Variants in TMEM9 observed in about 807,000 individuals in gnomAD.
The protein encoded by TMEM9 is transmembrane protein 9.
Under a neutral mutation model 22.8 loss-of-function variants are expected in TMEM9, and 13 were observed. That is an observed-to-expected ratio of 0.57 (90% confidence interval 0.37 to 0.91). The LOEUF (loss-of-function observed/expected upper bound fraction) is 0.91, where lower values mean the gene tolerates loss of function less well. TMEM9 is among the 40% of genes least tolerant of loss of function. The pLI is 0.01. For missense variants in TMEM9, 182 were observed against 238.1 expected, an observed-to-expected ratio of 0.76 and a Z score of 1.55; for synonymous variants, 88 against 93.0, an observed-to-expected ratio of 0.95 and a Z score of 0.31.
intron 3 of TMEM9, 54 bp downstream of exon 3, chr1:201,146,686 G>A (rs763625210): frequency 2.7e-5 from 42 of 1,530,838 alleles, no homozygotes; most frequent in Non-Finnish European, 3.3e-5. Context: ...GCCAGTCTGC[G>A]ATTGGAGAAT....
At chr1:201,155,112 G>A (rs896923887), upstream of TMEM9, among the ~76,000 whole-genome samples, 1 of 152,184 alleles carries the variant, frequency 6.6e-6, no homozygotes, top group Non-Finnish European at 1.5e-5. Context: ...TGAACTTCTT[G>A]CCAGCTGTGA....
chr1:201,139,840 G>A lies in TMEM9; in HGVS notation c.399+3980C>T, dbSNP rs1278597019. On this transcript the variant is annotated intron_variant, in intron 4 of 4. Transcript: ENST00000367330. Reference sequence around the variant, plus strand: ...ATTCCAGACTTAGAAAACTAAACCAGGAGGTTAGCACCAAGGATAGTAAAT... The same window carrying A: ...ATTCCAGACTTAGAAAACTAAACCAAGAGGTTAGCACCAAGGATAGTAAAT... Among the ~76,000 whole-genome samples, 3 of 152,116 alleles carry A rather than the reference G, an allele frequency of 2.0e-5. No homozygotes were observed. In the East Asian group the frequency reaches 5.8e-4, roughly 29 times the overall value.
intron 1 of TMEM9, among the ~76,000 whole-genome samples, chr1:201,153,425 T>C (rs1399245619): frequency 6.6e-6 from 1 of 152,248 alleles, no homozygotes; most frequent in African/African-American, 2.4e-5. Flanking sequence ...GGGCTATGTA[T>C]ATACAGCATA....
At chr1:201,163,704 T>TA (rs145516868) in intron 1 of TMEM9, among the ~76,000 whole-genome samples, 16,959 of 149,642 alleles carry the variant, frequency 0.11, 1,236 homozygotes, top group Middle Eastern at 0.17. Flanking sequence ...ATGGCTAAAA[T>TA]AAAAAAAAAA....
At chr1:201,139,521 C>T (rs1470734921) in intron 4 of TMEM9, among the ~76,000 whole-genome samples, 1 of 152,092 alleles carries the variant, frequency 6.6e-6, no homozygotes, top group East Asian at 1.9e-4. Flanking sequence ...CCCACCTGCT[C>T]ACAAATAAAA....
chr1:201,141,984 C>G (rs1004380292), intron 4 of TMEM9, among the ~76,000 whole-genome samples: 1 of 152,236 alleles, frequency 6.6e-6, no homozygotes, highest in Admixed American at 6.5e-5. Flanking sequence ...ACTGCAATTA[C>G]CACATTACCC....
intron 4 of TMEM9, among the ~76,000 whole-genome samples, chr1:201,140,444 G>A (rs1382119623): frequency 6.6e-6 from 1 of 152,238 alleles, no homozygotes. Flanking sequence ...GGAATCCCAG[G>A]GGAGGCAGCG....
intron 3 of TMEM9, among the ~76,000 whole-genome samples, chr1:201,146,160 C>T (rs3752975): frequency 0.22 from 33,664 of 152,054 alleles, 4,345 homozygotes; most frequent in Non-Finnish European, 0.28. Flanking sequence ...ACAGACACCT[C>T]GTGACGTCTA....
chr1:201,161,776 G>T (rs530708384), intron 1 of TMEM9, among the ~76,000 whole-genome samples: 17 of 152,336 alleles, frequency 1.1e-4, no homozygotes, highest in African/African-American at 4.1e-4. Context: ...ACTTTGGGAA[G>T]TGCTGCTCCA....
At chr1:201,165,150 T>TTG (rs1203599097) in intron 1 of TMEM9, among the ~76,000 whole-genome samples, 1 of 87,076 alleles carries the variant, frequency 1.1e-5, no homozygotes, top group Non-Finnish European at 2.6e-5. Context: ...TAAGAGAAAA[T>TTG]TATATATATA....
At chr1:201,170,036 G>T (rs1369136557) in intron 1 of TMEM9, among the ~76,000 whole-genome samples, 1 of 152,024 alleles carries the variant, frequency 6.6e-6, no homozygotes, top group Admixed American at 6.6e-5. Context: ...AAAAAAAAGA[G>T]TTTGTTGGAA....
rs1204659360 is a variant in TMEM9 at position 201,154,184 on chromosome 1, C to T, written c.-261G>A. On this transcript the variant is annotated 5_prime_UTR_variant, in exon 1 of 5. Coordinates refer to ENST00000367330, the MANE Select transcript of TMEM9 (RefSeq NM_001288565.2). ...GGCAGAGGGGTCCTCGAGGGGACACCGCTGCCAGGGGCCTCCAGTTCCTTC... is the reference window on the plus strand; with the variant it reads ...GGCAGAGGGGTCCTCGAGGGGACACTGCTGCCAGGGGCCTCCAGTTCCTTC... The T allele has an allele frequency of 2.3e-6, 1 of 442,620 alleles. No individual in the cohort carries two copies. Among genetic ancestry groups the T allele is most frequent in the Non-Finnish European group, 4.0e-6 (1 of 247,276 alleles). The allele number at this position is 442,620 out of a possible 1,614,324, so 27.4% of individuals were successfully genotyped here.
At chr1:201,138,673 C>T (rs985814871) in intron 4 of TMEM9, among the ~76,000 whole-genome samples, 8 of 152,222 alleles carry the variant, frequency 5.3e-5, no homozygotes, top group African/African-American at 1.9e-4. Flanking sequence ...CACTATGTGC[C>T]AGGCGCTCTG....
rs1391410496 is a variant in TMEM9, at chr1:201,135,783, G to C, written c.432C>G (p.Ser144=). The C allele has an allele frequency of 6.2e-7, 1 of 1,611,624 alleles. No individual in the cohort carries two copies. The highest frequency in any genetic ancestry group is 8.5e-7 in the Non-Finnish European group (1 of 1,178,978). ...CTGTGTTTGCTCGGGGTCCCCCGAG[G>C]GATGCAGCAGCTGCTGCCATAGAGC... ...DARSMAAAAA[S]LGGPRANTVL... Residue 144 remains serine (S), a synonymous_variant, in exon 5 of 5, where the codon TCC becomes TCG. Transcript: ENST00000367330.
Position 201,135,388 on chromosome 1 carries a change from C to T in TMEM9, c.*275G>A, listed in dbSNP as rs1158342165. ...GACAGATCGCATCCACTCCTGAGGC[C>T]GCCTCGAATGTCTCCATTCCCTTCT... On this transcript the variant is annotated 3_prime_UTR_variant, in exon 5 of 5. Coordinates refer to ENST00000367330, the MANE Select transcript of TMEM9 (RefSeq NM_001288565.2). 2.7e-5 allele frequency: 8 copies of T among 301,166 alleles called. No homozygotes were observed. The highest frequency in any genetic ancestry group is 1.5e-4 in the Admixed American group (3 of 19,392). The allele number at this position is 301,166 out of a possible 1,614,324, so 18.7% of individuals were successfully genotyped here.
chr1:201,153,148 C>G (rs12089726), intron 1 of TMEM9, among the ~76,000 whole-genome samples: 5,585 of 152,332 alleles, frequency 0.037, 182 homozygotes, highest in African/African-American at 0.081. Flanking sequence ...GGTGATGCTA[C>G]TGTGCTTAGT....
chr1:201,153,696 C>T, intron 1 of TMEM9, 162 bp downstream of exon 1: 1 of 1,525,754 alleles, frequency 6.6e-7, no homozygotes, highest in Non-Finnish European at 8.9e-7. Context: ...CTTAGGGAGG[C>T]CAGCAGCCTT....
chr1:201,154,168 G>A lies in TMEM9; in HGVS notation c.-245C>T, dbSNP rs1665662299. 8.0e-6 allele frequency: 4 copies of A among 497,274 alleles called. No individual in the cohort carries two copies. The highest frequency in any genetic ancestry group is 7.5e-5 in the Admixed American group (2 of 26,546). 30.8% of individuals were successfully genotyped at this position (497,274 alleles called of 1,614,324 possible). A position where few individuals can be genotyped will look rare whatever the true frequency, so the allele number is the denominator to read the frequency against. On this transcript the variant is annotated 5_prime_UTR_variant, in exon 1 of 5. Coordinates refer to ENST00000367330, the MANE Select transcript of TMEM9 (RefSeq NM_001288565.2). The stretch of plus-strand genomic sequence containing the variant: ...GCCACCTGGTGAGCCCGGCAGAGGG[G>A]TCCTCGAGGGGACACCGCTGCCAGG...
intron 1 of TMEM9, among the ~76,000 whole-genome samples, chr1:201,160,212 G>A (rs1051127973): frequency 8.5e-5 from 13 of 152,156 alleles, no homozygotes; most frequent in African/African-American, 2.9e-4. Flanking sequence ...TAGTCCATTG[G>A]GCCTCAGTTT....
Sources: allele counts gnomAD v4.1 joint callset (sites outside exome capture counted in the v4.1 genomes callset), GRCh38; gene constraint gnomAD v4.1.1; transcripts MANE v1.5; gene names NCBI Gene and HGNC (gene_info 2026-07-23, HGNC 2026-07-21).